The following SIK2 variants were observed in gnomAD, a reference collection of about 807,000 sequenced individuals.
The protein encoded by SIK2 is salt inducible kinase 2.
SIK2 carries 29 observed loss-of-function variants against 103.2 expected under a neutral mutation model. That is an observed-to-expected ratio of 0.28 (90% CI 0.21 to 0.38). SIK2 has a LOEUF of 0.38. SIK2 is among the 10% of genes least tolerant of loss of function. The pLI, the probability that SIK2 is intolerant of heterozygous loss-of-function variation, is 1.00. For synonymous variants in SIK2, 412 were observed against 446.1 expected, an observed-to-expected ratio of 0.92 and a Z score of 0.96; for missense variants, 879 against 1,171.0, an observed-to-expected ratio of 0.75 and a Z score of 3.64.
Position 111,632,101 on chromosome 11 carries a change from A to T in SIK2, c.316+11699A>T, listed in dbSNP as rs368519814. ...AAAACAATTGTCAGGAGGAAAAAGG[A>T]ACAGAAATATGCAGGACATAAGGGC... On this transcript the variant is annotated intron_variant, in intron 3 of 14. Coordinates refer to ENST00000304987, the MANE Select transcript of SIK2 (RefSeq NM_015191.3). Among the ~76,000 whole-genome samples the T allele has an allele frequency of 5.0e-4, 76 of 152,316 alleles. 2 individuals carry two copies. The South Asian group carries it at 0.015, about 30-fold the overall frequency.
intron 3 of SIK2, among the ~76,000 whole-genome samples, chr11:111,626,876 T>C (rs1330999810): frequency 6.6e-6 from 1 of 152,284 alleles, no homozygotes; most frequent in East Asian, 1.9e-4. Context: ...CTTATACTGC[T>C]CCATGCTTCA....
chr11:111,691,631 C>A (rs1254958878), intron 4 of SIK2, among the ~76,000 whole-genome samples: 1 of 152,154 alleles, frequency 6.6e-6, no homozygotes, highest in Non-Finnish European at 1.5e-5. Flanking sequence ...TATGGTTGTA[C>A]ATTTAGTGTC....
intron 3 of SIK2, among the ~76,000 whole-genome samples, chr11:111,680,348 A>C (rs1217325994): frequency 1.3e-5 from 2 of 152,170 alleles, no homozygotes; most frequent in African/African-American, 4.8e-5. Flanking sequence ...TCAAATTTAT[A>C]ACTAGAATTG....
intron 1 of SIK2, among the ~76,000 whole-genome samples, chr11:111,605,356 G>T (rs1941636503): frequency 6.6e-6 from 1 of 152,096 alleles, no homozygotes. Context: ...TCATTCACTG[G>T]ATAAATGTTT....
intron 3 of SIK2, among the ~76,000 whole-genome samples, chr11:111,637,039 T>A (rs1048382039): frequency 6.6e-6 from 1 of 152,184 alleles, no homozygotes; most frequent in South Asian, 2.1e-4. Flanking sequence ...TTTATTTCCC[T>A]ACTTTTCTCT....
intron 4 of SIK2, among the ~76,000 whole-genome samples, chr11:111,698,154 T>G (rs1327072000): frequency 6.6e-6 from 1 of 152,222 alleles, no homozygotes; most frequent in Non-Finnish European, 1.5e-5. Flanking sequence ...ATATTCATAT[T>G]ACCTACAGAA....
chr11:111,719,938 G>A lies in SIK2; in HGVS notation c.1430G>A (p.Arg477His), dbSNP rs1265486764. The A allele has an allele frequency of 3.7e-6, 6 of 1,614,124 alleles. No individual in the cohort carries two copies. The highest frequency in any genetic ancestry group is 1.7e-4 in the Middle Eastern group (1 of 6,060). ...GCCTTTGAGGCATTTCAGTCCACAC[G>A]CAGCGGGCAGAGACGGCACACTCTG... ...AHAFEAFQST[R>H]SGQRRHTLSE... Residue 477 changes from arginine (R) to histidine (H), a missense_variant, in exon 10 of 15, where the codon CGC becomes CAC. Physicochemically the swap from Arg to His is conservative, Grantham distance 29. Around this residue, in one of 7 missense-constraint regions of SIK2, gnomAD observed 222 missense variants for 258.0 expected, o/e 0.86. Transcript: ENST00000304987.
intron 3 of SIK2, among the ~76,000 whole-genome samples, chr11:111,621,363 G>A (rs1397954915): frequency 1.3e-5 from 2 of 151,786 alleles, no homozygotes. Flanking sequence ...TTCTTTTTTT[G>A]GTCTAGCTTC....
chr11:111,721,772 AC>A, intron 12 of SIK2, 57 bp from the exon 13 acceptor site: 1 of 1,377,796 alleles, frequency 7.3e-7, no homozygotes, highest in Non-Finnish European at 1.0e-6. Flanking sequence ...TCAGCTAAGA[AC>A]TGAGACGTTT....
chr11:111,704,589 G>A (rs1943296657), intron 7 of SIK2, among the ~76,000 whole-genome samples: 1 of 152,178 alleles, frequency 6.6e-6, no homozygotes, highest in Non-Finnish European at 1.5e-5. Flanking sequence ...GTTCAGATTT[G>A]TGTTGAAGCC....
intron 3 of SIK2, among the ~76,000 whole-genome samples, chr11:111,622,669 G>A (rs1941906494): frequency 1.3e-5 from 2 of 151,906 alleles, no homozygotes; most frequent in African/African-American, 4.8e-5. Context: ...AAAGATATTT[G>A]TACTAGGTAT....
chr11:111,723,361 C>A, intron 14 of SIK2, 135 bp from the exon 15 acceptor site: 1 of 937,556 alleles, frequency 1.1e-6, no homozygotes, highest in Non-Finnish European at 1.6e-6. Flanking sequence ...AATTGGTTCC[C>A]ATTCCCACTT....
At chr11:111,690,652 C>T (rs1025109071) in intron 4 of SIK2, among the ~76,000 whole-genome samples, 21 of 151,264 alleles carry the variant, frequency 1.4e-4, no homozygotes, top group Non-Finnish European at 3.1e-4. Context: ...TGATGTTCCC[C>T]TCCCTGTGTC....
At chr11:111,630,911 AT>A (rs1266105994) in intron 3 of SIK2, among the ~76,000 whole-genome samples, 3 of 152,172 alleles carry the variant, frequency 2.0e-5, no homozygotes, top group Non-Finnish European at 4.4e-5. Flanking sequence ...TTGAGGGGTA[AT>A]AGGGTCTACA....
chr11:111,638,280 A>G (rs188666686), intron 3 of SIK2, among the ~76,000 whole-genome samples: 1 of 152,262 alleles, frequency 6.6e-6, no homozygotes, highest in East Asian at 1.9e-4. Context: ...GAGACCCTTC[A>G]TTTTAGTCTC....
At chr11:111,624,414 A>G (rs1035413800) in intron 3 of SIK2, among the ~76,000 whole-genome samples, 2 of 152,214 alleles carry the variant, frequency 1.3e-5, no homozygotes, top group Non-Finnish European at 2.9e-5. Context: ...GAAGCTAAGC[A>G]AATCTGATTT....
chr11:111,636,126 T>G (rs1942105238), intron 3 of SIK2, among the ~76,000 whole-genome samples: 1 of 152,234 alleles, frequency 6.6e-6, no homozygotes, highest in Non-Finnish European at 1.5e-5. Flanking sequence ...TATCTGCTAA[T>G]TACGGTGATA....
chr11:111,671,865 C>T, intron 3 of SIK2: 1 of 411,512 alleles, frequency 2.4e-6, no homozygotes, highest in Non-Finnish European at 4.7e-6. Context: ...TTCTTGAAGT[C>T]CTCAAGCTGC....
Position 111,720,672 on chromosome 11 carries a change from G to A in SIK2, c.1690G>A (p.Ala564Thr). 1 of 1,614,076 alleles carries A rather than the reference G, an allele frequency of 6.2e-7. No individual in the cohort carries two copies. Among genetic ancestry groups the A allele is most frequent in the Non-Finnish European group, 8.5e-7 (1 of 1,180,008 alleles). The change falls in exon 11 of 15, where the codon GCT becomes ACT. Residue 564 changes from alanine to threonine, a missense_variant. This residue lies in a region of SIK2 where 222 missense variants were observed against 258.0 expected (regional missense o/e 0.86). Coordinates refer to ENST00000304987, the MANE Select transcript of SIK2 (RefSeq NM_015191.3). ...SLRPTNPAMQALSSQKREVHN... is the reference protein window; with the variant it reads ...SLRPTNPAMQTLSSQKREVHN... ...GAGACCTACCAACCCAGCCATGCAG[G>A]CTCTGAGCTCCCAGAAACGAGAGGT...
Sources: gnomAD v4.1 joint callset for allele counts (sites outside exome capture counted in the v4.1 genomes callset) on GRCh38, gnomAD v4.1.1 for gene constraint, gnomAD v4.1.1 regional missense constraint, MANE v1.5 for transcripts, NCBI Gene and HGNC (gene_info 2026-07-23, HGNC 2026-07-21) for gene names.